PDE10A: variants seen among roughly 807,000 people sequenced by gnomAD.
PDE10A encodes the protein phosphodiesterase 10A.
Under a neutral mutation model 97.7 loss-of-function variants are expected in PDE10A, and 39 were observed. The observed-to-expected ratio is 0.40, with a 90% confidence interval of 0.31 to 0.52. The LOEUF (loss-of-function observed/expected upper bound fraction) is 0.52. PDE10A is among the 20% of genes least tolerant of loss of function. The pLI is 0.56. For missense variants in PDE10A, 731 were observed against 1,047.8 expected, an observed-to-expected ratio of 0.70 and a Z score of 4.17; for synonymous variants, 371 against 376.8, an observed-to-expected ratio of 0.98 and a Z score of 0.18.
intron 18 of PDE10A, among the ~76,000 whole-genome samples, chr6:165,359,848 T>G (rs185643302): frequency 6.6e-6 from 1 of 152,278 alleles, no homozygotes; most frequent in African/African-American, 2.4e-5. Flanking sequence ...AAACGTAAAC[T>G]CATCCCAGTT....
chr6:165,542,959 C>A (rs1270037989), intron 2 of PDE10A, among the ~76,000 whole-genome samples: 1 of 152,132 alleles, frequency 6.6e-6, no homozygotes, highest in Admixed American at 6.5e-5. Context: ...GACAACAAAT[C>A]TTCTAGAGTC....
At chr6:165,921,277 T>G (rs959087801) in intron 1 of PDE10A, among the ~76,000 whole-genome samples, 1 of 152,244 alleles carries the variant, frequency 6.6e-6, no homozygotes, top group African/African-American at 2.4e-5. Flanking sequence ...GCATCTTAGA[T>G]AGCCAGTTTG....
chr6:165,458,092 T>C lies in PDE10A; in HGVS notation c.1024-7730A>G, dbSNP rs78233262. Among the ~76,000 whole-genome samples, 1,464 of 152,274 alleles carry C rather than the reference T, an allele frequency of 9.6e-3. 27 individuals are homozygous for C. The highest frequency in any genetic ancestry group is 0.034 in the African/African-American group (1,407 of 41,544). On this transcript the variant is annotated intron_variant, in intron 3 of 21. Coordinates refer to ENST00000539869, the MANE Select transcript of PDE10A (RefSeq NM_001385079.1). Reference sequence around the variant, plus strand: ...TCAGTTTCTAATATAAACTTCAATATTGGAAAAATATCTTCTCATCATTTT... The same window carrying C: ...TCAGTTTCTAATATAAACTTCAATACTGGAAAAATATCTTCTCATCATTTT...
intron 1 of PDE10A, among the ~76,000 whole-genome samples, chr6:165,928,640 G>A (rs1783021841): frequency 6.6e-6 from 1 of 152,210 alleles, no homozygotes; most frequent in Admixed American, 6.5e-5. Flanking sequence ...AAAAGGCAAA[G>A]CTGTCTTCAT....
chr6:165,813,746 GA>G (rs1779338943), intron 1 of PDE10A, among the ~76,000 whole-genome samples: 1 of 150,740 alleles, frequency 6.6e-6, no homozygotes. Context: ...CCTAAGAGAA[GA>G]TAAATCCAAA....
chr6:165,494,822 A>G lies in PDE10A; in HGVS notation c.995-12479T>C, dbSNP rs532707025. Among the ~76,000 whole-genome samples, 4 of 152,260 alleles carry G rather than the reference A, an allele frequency of 2.6e-5. No homozygotes were observed. The South Asian group carries it at 8.3e-4, about 32-fold the overall frequency. ...TCCACAGGATGGGAAAAGAAATTTA[A>G]GTCACACACTGATACTATGGAGAAC... On this transcript the variant is annotated intron_variant, in intron 2 of 21. Coordinates refer to ENST00000539869, the MANE Select transcript of PDE10A (RefSeq NM_001385079.1).
rs187462142 is a variant in PDE10A at position 165,826,994 on chromosome 6, A to G, written c.-615+160535T>C. Among the ~76,000 whole-genome samples, 181 of 152,162 alleles carry G rather than the reference A, an allele frequency of 1.2e-3. 1 individual carries two copies. The highest frequency in any genetic ancestry group is 4.2e-3 in the African/African-American group (175 of 41,524). On this transcript the variant is annotated intron_variant, in intron 1 of 19. Transcript: ENST00000366882. ...ACATCAGGAGGGGCACGGAGGGGACAGGTAAGGGCCAATAACTTGCCTGGG... is the reference window on the plus strand; with the variant it reads ...ACATCAGGAGGGGCACGGAGGGGACGGGTAAGGGCCAATAACTTGCCTGGG...
intron 13 of PDE10A, 45 bp downstream of exon 13, chr6:165,413,456 T>C: frequency 6.1e-6 from 8 of 1,314,328 alleles, no homozygotes; most frequent in Non-Finnish European, 8.4e-6. Flanking sequence ...AGATTCCAAA[T>C]TAATATTGAG....
intron 3 of PDE10A, among the ~76,000 whole-genome samples, chr6:165,459,647 T>A (rs1171005662): frequency 6.6e-6 from 1 of 152,074 alleles, no homozygotes; most frequent in African/African-American, 2.4e-5. Context: ...ACTGCAGTTA[T>A]TAGCTTTTGA....
At chr6:165,617,484 A>G (rs1787780559) in intron 1 of PDE10A, among the ~76,000 whole-genome samples, 1 of 152,166 alleles carries the variant, frequency 6.6e-6, no homozygotes, top group South Asian at 2.1e-4. Context: ...GCTGGGCAAT[A>G]TGAACAATTA....
At chr6:165,339,241 G>T in intron 20 of PDE10A, 37 bp downstream of exon 20, 1 of 1,164,902 alleles carries the variant, frequency 8.6e-7, no homozygotes, top group Non-Finnish European at 1.3e-6. Flanking sequence ...TAAACTATTT[G>T]GCTTTAGCAA....
intron 1 of PDE10A, among the ~76,000 whole-genome samples, chr6:165,714,024 C>A (rs187200159): frequency 1.3e-5 from 2 of 152,314 alleles, no homozygotes. Context: ...GGGAGGGCAG[C>A]TGTGTGAGCT....
chr6:165,678,779 C>A (rs999956457), intron 1 of PDE10A, among the ~76,000 whole-genome samples: 1 of 152,122 alleles, frequency 6.6e-6, no homozygotes, highest in Admixed American at 6.6e-5. Flanking sequence ...AAAAAAATAT[C>A]TTTTTGAATG....
At chr6:165,702,175 G>A (rs1159017797) in intron 1 of PDE10A, among the ~76,000 whole-genome samples, 1 of 152,232 alleles carries the variant, frequency 6.6e-6, no homozygotes, top group African/African-American at 2.4e-5. Flanking sequence ...GGACGGCAGA[G>A]GGTCTGCCTC....
rs1379323040 is a variant in PDE10A at position 165,895,996 on chromosome 6, G to A, written c.-615+91533C>T. Among the ~76,000 whole-genome samples, 7 of 152,250 alleles carry A rather than the reference G, an allele frequency of 4.6e-5. No homozygotes were observed. In the East Asian group the frequency reaches 1.4e-3, roughly 29 times the overall value. On this transcript the variant is annotated intron_variant, in intron 1 of 19. Coordinates refer to the PDE10A transcript ENST00000366882. ...CATGCCCAGGCCTCTGCACCCACTG[G>A]CTGGATCCGACTCTCCCAGCTGAGC...
chr6:165,794,932 G>A (rs1306153871), intron 1 of PDE10A, among the ~76,000 whole-genome samples: 4 of 152,134 alleles, frequency 2.6e-5, no homozygotes, highest in Non-Finnish European at 5.9e-5. Context: ...CTATTGTTTC[G>A]TGCTGCACAC....
chr6:165,503,735 T>A (rs1411529029), intron 2 of PDE10A, among the ~76,000 whole-genome samples: 1 of 152,204 alleles, frequency 6.6e-6, no homozygotes, highest in African/African-American at 2.4e-5. Context: ...AGTTTGGCGT[T>A]TTCTGAAATC....
At position 165,393,886 on chromosome 6, in the gene PDE10A, A is replaced by G. The variant is rs74688773; in HGVS notation, c.2304-1090T>C. On this transcript the variant is annotated intron_variant, in intron 15 of 21. Coordinates refer to ENST00000539869, the MANE Select transcript of PDE10A (RefSeq NM_001385079.1). ...AGTTATAAAGTCAGGAAAGGCCTCTAGGACAGGCCAAAGTGGGTGGGGAAA... is the reference window on the plus strand; with the variant it reads ...AGTTATAAAGTCAGGAAAGGCCTCTGGGACAGGCCAAAGTGGGTGGGGAAA... Among the ~76,000 whole-genome samples, 890 of 152,314 alleles carry G rather than the reference A, an allele frequency of 5.8e-3. 9 individuals carry two copies. The highest frequency in any genetic ancestry group is 0.02 in the African/African-American group (841 of 41,580).
chr6:165,788,090 T>C (rs1311118752), intron 1 of PDE10A, among the ~76,000 whole-genome samples: 2 of 152,180 alleles, frequency 1.3e-5, no homozygotes, highest in Admixed American at 1.3e-4. Flanking sequence ...CTATATTAAC[T>C]GAAAATGCAG....
Sources: allele counts gnomAD v4.1 joint callset (sites outside exome capture counted in the v4.1 genomes callset), GRCh38; gene constraint gnomAD v4.1.1; transcripts MANE v1.5; gene names NCBI Gene and HGNC (gene_info 2026-07-23, HGNC 2026-07-21).